Variants in NDUFAF6 observed in about 807,000 individuals in gnomAD.
NDUFAF6 encodes the protein NADH dehydrogenase (ubiquinone) complex I, assembly factor 6.
Under a neutral mutation model 40.8 loss-of-function variants are expected in NDUFAF6, and 45 were observed. The observed-to-expected ratio is 1.10, with a 90% CI of 0.87 to 1.42. The LOEUF (loss-of-function observed/expected upper bound fraction) is 1.42. Ranked by LOEUF, NDUFAF6 falls within the 40% of genes most tolerant of loss-of-function variation. NDUFAF6 has a pLI of 0.00. For synonymous variants in NDUFAF6, 185 were observed against 155.9 expected (o/e 1.19, Z -1.39); for missense variants, 435 against 418.5 (o/e 1.04, Z -0.34).
downstream of NDUFAF6, among the ~76,000 whole-genome samples, chr8:95,117,143 G>A (rs143623263): frequency 5.0e-4 from 76 of 152,334 alleles, no homozygotes; most frequent in African/African-American, 1.8e-3. Flanking sequence ...GGAGTTGCGG[G>A]GGAATTAATC....
chr8:95,034,486 C>T (rs1443581376), intron 2 of NDUFAF6, among the ~76,000 whole-genome samples: 1 of 152,106 alleles, frequency 6.6e-6, no homozygotes, highest in Admixed American at 6.5e-5. Context: ...AGTTTTCTGT[C>T]TCTTTAGCCT....
At chr8:95,019,040 C>G (rs1421798000) in intron 2 of NDUFAF6, among the ~76,000 whole-genome samples, 1 of 152,166 alleles carries the variant, frequency 6.6e-6, no homozygotes, top group Non-Finnish European at 1.5e-5. Flanking sequence ...GAGACAGAGT[C>G]TCGCTCTAGA....
intron 8 of NDUFAF6, among the ~76,000 whole-genome samples, chr8:95,056,175 T>C (rs941188033): frequency 2.0e-5 from 3 of 152,126 alleles, no homozygotes; most frequent in African/African-American, 7.2e-5. Context: ...TAGTATAATA[T>C]TAATATTTCA....
chr8:95,073,365 T>G (rs1832934029), intron 9 of NDUFAF6, among the ~76,000 whole-genome samples: 1 of 152,188 alleles, frequency 6.6e-6, no homozygotes, highest in Non-Finnish European at 1.5e-5. Flanking sequence ...CGTCGCATTC[T>G]CAGCAAGATG....
chr8:95,038,702 G>A (rs1025455642), intron 3 of NDUFAF6, among the ~76,000 whole-genome samples: 2 of 151,508 alleles, frequency 1.3e-5, no homozygotes, highest in Admixed American at 6.6e-5. Context: ...TTTTTGAGAC[G>A]GAGCTTTGCT....
intron 2 of NDUFAF6, among the ~76,000 whole-genome samples, chr8:95,003,743 A>G (rs1322591645): frequency 6.6e-6 from 1 of 152,130 alleles, no homozygotes; most frequent in African/African-American, 2.4e-5. Context: ...CCTCAATGCC[A>G]CACTCTCTTG....
At chr8:95,059,638 C>T (rs1445537673), downstream of NDUFAF6, among the ~76,000 whole-genome samples, 1 of 152,064 alleles carries the variant, frequency 6.6e-6, no homozygotes, top group Non-Finnish European at 1.5e-5. Context: ...CACCTGAGGT[C>T]ACGAGTTCAA....
chr8:95,082,836 T>G (rs1302085423), intron 2 of NDUFAF6, among the ~76,000 whole-genome samples: 1 of 152,076 alleles, frequency 6.6e-6, no homozygotes, highest in Non-Finnish European at 1.5e-5. Context: ...ATTTTTTGTA[T>G]TTTTTAGTAG....
At chr8:95,117,092 G>T (rs567781222), downstream of NDUFAF6, among the ~76,000 whole-genome samples, 4 of 152,354 alleles carry the variant, frequency 2.6e-5, no homozygotes, top group South Asian at 8.3e-4. Flanking sequence ...CTGTATCCAG[G>T]AGCATGGGAT....
chr8:95,062,868 T>C (rs1029630405), downstream of NDUFAF6, among the ~76,000 whole-genome samples: 1 of 152,196 alleles, frequency 6.6e-6, no homozygotes, highest in Non-Finnish European at 1.5e-5. Flanking sequence ...TGCTGTAGTA[T>C]AATGTGGGCT....
intron 2 of NDUFAF6, chr8:94,988,485 T>A (rs1826042550): frequency 6.6e-6 from 1 of 152,168 alleles, no homozygotes; most frequent in Admixed American, 6.5e-5. Flanking sequence ...CATTTTTAAT[T>A]GAATTCATTT....
exon 5 of NDUFAF6, chr8:95,115,654 T>C (rs1177694753): frequency 6.6e-6 from 1 of 152,182 alleles, no homozygotes; most frequent in Non-Finnish European, 1.5e-5. Context: ...AGCATAACTT[T>C]GACTCAGTCG....
rs756928155 is a variant in NDUFAF6 at position 94,930,497 on chromosome 8, C to G, written c.-935-14986C>G. 2.8e-5 allele frequency: 46 copies of G among 1,614,082 alleles called. 1 individual carries two copies. In the South Asian group the frequency reaches 5.1e-4, roughly 18 times the overall value. On this transcript the variant is annotated intron_variant, in intron 1 of 14. Coordinates refer to the NDUFAF6 transcript ENST00000396113. ...GAAACTATTAGTAATTGTACTGACGCGGGCAGGGCTGATGAACAACCCAGC... is the reference window on the plus strand; with the variant it reads ...GAAACTATTAGTAATTGTACTGACGGGGGCAGGGCTGATGAACAACCCAGC...
upstream of NDUFAF6, among the ~76,000 whole-genome samples, chr8:95,020,179 A>G (rs1827632704): frequency 6.6e-6 from 1 of 152,198 alleles, no homozygotes; most frequent in South Asian, 2.1e-4. Context: ...AGCCTGGGCG[A>G]CAAGAGTGAA....
chr8:95,045,501 T>C (rs1830635826), intron 4 of NDUFAF6, 44 bp from the exon 5 acceptor site: 9 of 1,400,760 alleles, frequency 6.4e-6, no homozygotes, highest in African/African-American at 2.8e-5. Context: ...CTTTCTAAAA[T>C]ATTGACAGTT....
chr8:94,930,974 T>C (rs1820336921), intron 1 of NDUFAF6, among the ~76,000 whole-genome samples: 3 of 152,224 alleles, frequency 2.0e-5, no homozygotes, highest in Non-Finnish European at 2.9e-5. Flanking sequence ...GTAGACTGTT[T>C]TCTAAAAATA....
chr8:94,898,163 ATATT>A (rs1817776135), intron 1 of NDUFAF6, among the ~76,000 whole-genome samples: 1 of 152,210 alleles, frequency 6.6e-6, no homozygotes, highest in African/African-American at 2.4e-5. Context: ...ATAGTATGGC[ATATT>A]TATTACCCTA....
intron 4 of NDUFAF6, among the ~76,000 whole-genome samples, chr8:95,043,140 A>G (rs1830329276): frequency 1.4e-5 from 2 of 146,878 alleles, no homozygotes; most frequent in Admixed American, 1.4e-4. Context: ...GCTGGAGTGC[A>G]GTGACACGAT....
chr8:95,028,071 A>G (rs1828389929), intron 1 of NDUFAF6, among the ~76,000 whole-genome samples: 1 of 152,250 alleles, frequency 6.6e-6, no homozygotes, highest in Non-Finnish European at 1.5e-5. Flanking sequence ...CAATCTCACC[A>G]GGGAATCACT....
Sources: gnomAD v4.1 joint callset for allele counts (sites outside exome capture counted in the v4.1 genomes callset) on GRCh38, gnomAD v4.1.1 for gene constraint, MANE v1.5 for transcripts, NCBI Gene and HGNC (gene_info 2026-07-23, HGNC 2026-07-21) for gene names.